The following LTBP1 variants were observed in gnomAD, a reference collection of about 807,000 sequenced individuals.
LTBP1 encodes the protein latent-transforming growth factor beta-binding protein 1.
Under a neutral mutation model 207.6 loss-of-function variants are expected in LTBP1, and 129 were observed. The ratio of observed to expected loss-of-function variants is 0.62; its 90% CI spans 0.54 to 0.72. The LOEUF (loss-of-function observed/expected upper bound fraction) is 0.72, where lower values mean the gene tolerates loss of function less well. LTBP1 is among the 30% of genes least tolerant of loss of function. The pLI is 0.00. For synonymous variants in LTBP1, 963 were observed against 833.7 expected (o/e 1.16, Z -2.67); for missense variants, 2,281 against 2,217.2 (o/e 1.03, Z -0.58).
intron 24 of LTBP1, among the ~76,000 whole-genome samples, chr2:33,319,080 A>G (rs1292839383): frequency 1.3e-5 from 2 of 152,168 alleles, no homozygotes; most frequent in African/African-American, 4.8e-5. Context: ...AGCCTGCGTG[A>G]CAGAACCAGA....
intron 3 of LTBP1, among the ~76,000 whole-genome samples, chr2:33,059,398 C>T (rs535682013): frequency 1.3e-4 from 20 of 152,240 alleles, no homozygotes; most frequent in East Asian, 5.8e-4. Context: ...ATCAAAAGAA[C>T]GAACATGGAA....
rs115189280 is a variant in LTBP1, at chr2:33,280,056, A to C, written c.3010A>C (p.Asn1004His). The C allele has an allele frequency of 2.0e-5, 32 of 1,613,964 alleles. No individual in the cohort carries two copies. The African/African-American group carries it at 3.9e-4, about 20-fold the overall frequency. ...TTTTTCAGATATTGATGAATGTTTG[A>C]ATCCAAGCACTTGTCCAGATGAGCA... ...GRCEDIDECL[N>H]PSTCPDEQCV... The change falls in exon 19 of 34, where the codon AAT becomes CAT. Residue 1004 changes from asparagine to histidine, a missense_variant. Asn to His is a moderately conservative substitution (Grantham distance 68). Transcript: ENST00000404816.
intron 32 of LTBP1, among the ~76,000 whole-genome samples, chr2:33,391,720 A>G (rs1331150052): frequency 1.3e-5 from 2 of 152,220 alleles, no homozygotes; most frequent in African/African-American, 4.8e-5. Context: ...CTATGGCATT[A>G]TAGTTTGGAT....
At chr2:32,994,627 T>C in intron 2 of LTBP1, among the ~76,000 whole-genome samples, 1 of 151,964 alleles carries the variant, frequency 6.6e-6, no homozygotes, top group South Asian at 2.1e-4. Flanking sequence ...CCACCATGCC[T>C]GGATAATTTT....
intron 3 of LTBP1, among the ~76,000 whole-genome samples, chr2:33,080,416 T>G (rs1270298207): frequency 6.6e-6 from 1 of 152,212 alleles, no homozygotes; most frequent in African/African-American, 2.4e-5. Flanking sequence ...CTTCTATGTC[T>G]TTATCTGTTT....
chr2:33,225,941 T>G (rs1276144368), intron 9 of LTBP1, among the ~76,000 whole-genome samples: 1 of 152,230 alleles, frequency 6.6e-6, no homozygotes. Flanking sequence ...ATTAGTATTC[T>G]GTTTTGTATA....
At position 33,341,729 on chromosome 2, in the gene LTBP1, A is replaced by AAAAAAATATATATATAT. The variant is rs745445793; in HGVS notation, c.3731-1108_3731-1107insAAAAATATATATATATA. ...CCGTCTCACTCAAAAAAAAAAAAAA[A>AAAAAAATATATATATAT]ATATATATATATATATGTATATTTA... On this transcript the variant is annotated intron_variant, in intron 24 of 33. Transcript: ENST00000404816. Among the ~76,000 whole-genome samples, 10 of 93,612 alleles carry AAAAAAATATATATATAT rather than the reference A, an allele frequency of 1.1e-4. No individual in the cohort carries two copies. In the East Asian group the frequency reaches 1.6e-3, roughly 15 times the overall value. 61.4% of individuals were successfully genotyped at this position (93,612 alleles called of 152,430 possible). A position where few individuals can be genotyped will look rare whatever the true frequency, so the allele number is the denominator to read the frequency against.
chr2:33,368,319 C>A (rs1371988632), intron 31 of LTBP1, among the ~76,000 whole-genome samples: 1 of 152,210 alleles, frequency 6.6e-6, no homozygotes, highest in East Asian at 1.9e-4. Flanking sequence ...ATCCCACTAA[C>A]TGGGTACCTA....
chr2:33,391,653 T>C (rs1033221076), intron 32 of LTBP1, among the ~76,000 whole-genome samples: 7 of 152,088 alleles, frequency 4.6e-5, no homozygotes, highest in African/African-American at 1.7e-4. Context: ...CCAGGACAAA[T>C]GGAGAACCAA....
intron 3 of LTBP1, among the ~76,000 whole-genome samples, chr2:33,043,761 T>C (rs1353173714): frequency 4.6e-5 from 7 of 152,126 alleles, no homozygotes; most frequent in African/African-American, 1.7e-4. Context: ...ACAGGTGAAA[T>C]AACATTTTGG....
At chr2:33,076,252 A>G (rs766096638) in intron 3 of LTBP1, among the ~76,000 whole-genome samples, 14 of 152,188 alleles carry the variant, frequency 9.2e-5, no homozygotes, top group Non-Finnish European at 1.6e-4. Context: ...CTTAAAAAAG[A>G]AGGTAGGGTA....
intron 19 of LTBP1, among the ~76,000 whole-genome samples, chr2:33,287,225 A>G (rs758349723): frequency 1.3e-4 from 20 of 152,220 alleles, no homozygotes; most frequent in Non-Finnish European, 2.6e-4. Context: ...GCATCATTTG[A>G]TCCTCACAGT....
chr2:33,113,533 C>T (rs1045464657), intron 4 of LTBP1, among the ~76,000 whole-genome samples: 1 of 152,150 alleles, frequency 6.6e-6, no homozygotes, highest in Non-Finnish European at 1.5e-5. Context: ...GGAGGGATGA[C>T]TATTTTATGG....
rs142947826 is a variant in LTBP1 at position 33,338,279 on chromosome 2, T to C, written c.3731-4559T>C. On this transcript the variant is annotated intron_variant, in intron 24 of 33. Coordinates refer to ENST00000404816, the MANE Select transcript of LTBP1 (RefSeq NM_206943.4). ...AAGTCTGAGACTGCAAGACGCCCAG[T>C]AATTCATAACCAGCTTGGGGCTTGT... is the stretch of plus-strand genomic sequence containing the variant. 5.2e-4 allele frequency among the ~76,000 whole-genome samples: 79 copies of C among 152,360 alleles called. 2 individuals are homozygous for C. The highest frequency in any genetic ancestry group is 1.8e-3 in the African/African-American group (76 of 41,590).
intron 4 of LTBP1, among the ~76,000 whole-genome samples, chr2:33,116,202 G>A (rs533313890): frequency 2.0e-5 from 3 of 152,288 alleles, no homozygotes; most frequent in Non-Finnish European, 4.4e-5. Context: ...TGCCTCCTTA[G>A]TCCCTTTTTC....
intron 9 of LTBP1, among the ~76,000 whole-genome samples, chr2:33,228,085 A>T (rs769345864): frequency 2.0e-5 from 3 of 152,078 alleles, no homozygotes; most frequent in Admixed American, 6.5e-5. Flanking sequence ...GATTACAGGC[A>T]TGAGCCACCA....
chr2:33,240,594 T>C (rs114841572), intron 9 of LTBP1, among the ~76,000 whole-genome samples: 4,404 of 152,108 alleles, frequency 0.029, 220 homozygotes, highest in African/African-American at 0.1. Context: ...GGATAAGTTG[T>C]TTGTTGGCTG....
intron 15 of LTBP1, among the ~76,000 whole-genome samples, chr2:33,268,786 C>T (rs2093247356): frequency 6.6e-6 from 1 of 152,174 alleles, no homozygotes; most frequent in Non-Finnish European, 1.5e-5. Context: ...TTTTTGTAAA[C>T]CTTTCCATGA....
chr2:32,984,975 C>CT lies in LTBP1; in HGVS notation c.566-35934_566-35933insT, dbSNP rs1472535806. Among the ~76,000 whole-genome samples, 39 of 151,546 alleles carry CT rather than the reference C, an allele frequency of 2.6e-4. No individual in the cohort carries two copies. The East Asian group carries it at 6.6e-3, about 26-fold the overall frequency. On this transcript the variant is annotated intron_variant, in intron 2 of 33. Coordinates refer to ENST00000404816, the MANE Select transcript of LTBP1 (RefSeq NM_206943.4). ...AAAACAAAACAAAACCAGTTATGGT[C>CT]ATTTTTTCTCTAGGGCTTGATAACA... is the stretch of plus-strand genomic sequence containing the variant.
Sources: allele counts gnomAD v4.1 joint callset (sites outside exome capture counted in the v4.1 genomes callset), GRCh38; gene constraint gnomAD v4.1.1; transcripts MANE v1.5; gene names NCBI Gene and HGNC (gene_info 2026-07-23, HGNC 2026-07-21).